Variants in KCNT2 observed in about 807,000 individuals in gnomAD.
The protein encoded by KCNT2 is potassium sodium-activated channel subfamily T member 2, also known as potassium channel subfamily T member 2.
In KCNT2, 67 loss-of-function variants were observed where a neutral mutation model predicts 153.8. The observed-to-expected ratio is 0.44, with a 90% confidence interval of 0.36 to 0.53. The LOEUF (loss-of-function observed/expected upper bound fraction) is 0.53, where lower values mean the gene tolerates loss of function less well. Ranked by LOEUF, KCNT2 falls within the 20% of genes least tolerant of loss-of-function variation. The pLI is 0.00. For synonymous variants in KCNT2, 500 were observed against 458.8 expected (o/e 1.09, Z -1.15); for missense variants, 975 against 1,354.8 (o/e 0.72, Z 4.40).
Position 196,281,001 on chromosome 1 carries a change from C to A in KCNT2, c.2782-13G>T, listed in dbSNP as rs781362088. The A allele has an allele frequency of 6.3e-7, 1 of 1,590,434 alleles. No individual in the cohort carries two copies. The highest frequency in any genetic ancestry group is 8.6e-7 in the Non-Finnish European group (1 of 1,161,874). On this transcript the variant is annotated splice_polypyrimidine_tract_variant and intron_variant, in intron 24 of 27. Coordinates refer to ENST00000294725, the MANE Select transcript of KCNT2 (RefSeq NM_198503.5). The stretch of plus-strand genomic sequence containing the variant: ...CAGTGATTTTCATCTATAACACACA[C>A]AAATTATTTACATATTAAATGTGTC...
At chr1:196,600,833 T>C (rs1201909408) in intron 1 of KCNT2, among the ~76,000 whole-genome samples, 1 of 152,188 alleles carries the variant, frequency 6.6e-6, no homozygotes, top group Non-Finnish European at 1.5e-5. Flanking sequence ...GCCTTGCTTA[T>C]CCATCTCTAC....
intron 13 of KCNT2, among the ~76,000 whole-genome samples, chr1:196,375,623 C>A (rs940895570): frequency 6.6e-5 from 10 of 151,232 alleles, no homozygotes; most frequent in Non-Finnish European, 1.3e-4. Flanking sequence ...ATTATTATTT[C>A]CATTTTTTCT....
At chr1:196,297,175 A>G (rs1339417410) in intron 22 of KCNT2, among the ~76,000 whole-genome samples, 1 of 151,702 alleles carries the variant, frequency 6.6e-6, no homozygotes, top group Admixed American at 6.6e-5. Flanking sequence ...TGAAAAGACA[A>G]TTGTTGGACT....
intron 14 of KCNT2, among the ~76,000 whole-genome samples, chr1:196,359,868 G>A (rs570430670): frequency 1.4e-4 from 22 of 151,984 alleles, no homozygotes; most frequent in African/African-American, 4.1e-4. Flanking sequence ...CTATATATAA[G>A]AGAATCAAGA....
At chr1:196,521,730 T>C (rs1653445303) in intron 1 of KCNT2, among the ~76,000 whole-genome samples, 1 of 151,856 alleles carries the variant, frequency 6.6e-6, no homozygotes, top group Non-Finnish European at 1.5e-5. Flanking sequence ...TTCTCACAAG[T>C]GGGAGCTAAA....
rs1352036316 is a variant in KCNT2, at chr1:196,398,644, C to A, written c.1213G>T (p.Ala405Ser). 2 of 1,604,282 alleles carry A rather than the reference C, an allele frequency of 1.2e-6. No individual in the cohort carries two copies. The change falls in exon 13 of 28, where the codon GCT becomes TCT. Residue 405 changes from alanine to serine, a missense_variant. Transcript: ENST00000294725. Reference sequence around the variant, plus strand: ...CAATTTGGAGCAAAATCTTTCACAGCCCATGCTCTCAAAATTGTTTGGTGA... The same window carrying A: ...CAATTTGGAGCAAAATCTTTCACAGACCATGCTCTCAAAATTGTTTGGTGA... ...SDHQTILRAW[A>S]VKDFAPNCPL...
intron 17 of KCNT2, among the ~76,000 whole-genome samples, chr1:196,333,009 CA>C (rs1664620245): frequency 6.6e-6 from 1 of 151,820 alleles, no homozygotes; most frequent in African/African-American, 2.4e-5. Flanking sequence ...AGGCTTGTCT[CA>C]AACTCCTGAC....
chr1:196,422,389 AAC>A (rs1673288826), intron 12 of KCNT2, among the ~76,000 whole-genome samples: 1 of 151,982 alleles, frequency 6.6e-6, no homozygotes, highest in African/African-American at 2.4e-5. Context: ...TTGGCTTAGA[AAC>A]ACAGGAGGTA....
chr1:196,592,069 C>T (rs925003976), intron 1 of KCNT2, among the ~76,000 whole-genome samples: 7 of 152,078 alleles, frequency 4.6e-5, no homozygotes, highest in Non-Finnish European at 7.4e-5. Flanking sequence ...ATCAAAAGTG[C>T]TCTTCACACC....
At chr1:196,254,676 C>T (rs1656304530) in intron 26 of KCNT2, among the ~76,000 whole-genome samples, 1 of 151,498 alleles carries the variant, frequency 6.6e-6, no homozygotes. Context: ...ACTACTATTA[C>T]TACTGCTGTT....
In KCNT2 at chr1:196,351,113, C is replaced by T. The variant is rs144679327; in HGVS notation, c.1404-8885G>A. 1.7e-3 allele frequency among the ~76,000 whole-genome samples: 255 copies of T among 152,074 alleles called. 6 individuals carry two copies. The East Asian group carries it at 0.042, about 25-fold the overall frequency. On this transcript the variant is annotated intron_variant, in intron 14 of 27. Coordinates refer to ENST00000294725, the MANE Select transcript of KCNT2 (RefSeq NM_198503.5). Reference sequence around the variant, plus strand: ...GCTGCTTTGGTTACTGTAGCCTTGTCGTATAGTTTGAAGTTAGGTAGCGTG... The same window carrying T: ...GCTGCTTTGGTTACTGTAGCCTTGTTGTATAGTTTGAAGTTAGGTAGCGTG...
intron 9 of KCNT2, 115 bp downstream of exon 9, chr1:196,429,462 T>C (rs921245531): frequency 1.5e-5 from 8 of 547,990 alleles, no homozygotes; most frequent in Non-Finnish European, 2.2e-5. Flanking sequence ...AATGATAGTA[T>C]GTGTTAGTAA....
intron 26 of KCNT2, among the ~76,000 whole-genome samples, chr1:196,238,200 A>G (rs986671980): frequency 6.6e-6 from 1 of 151,962 alleles, no homozygotes; most frequent in African/African-American, 2.4e-5. Context: ...TTAACAGGAT[A>G]TTATACTTCT....
intron 1 of KCNT2, among the ~76,000 whole-genome samples, chr1:196,581,664 C>A (rs1662065552): frequency 6.6e-6 from 1 of 151,966 alleles, no homozygotes; most frequent in African/African-American, 2.4e-5. Context: ...TTAGTAAGAA[C>A]ATATTTTCTT....
chr1:196,293,624 C>A (rs112036253), intron 22 of KCNT2, among the ~76,000 whole-genome samples: 2 of 140,670 alleles, frequency 1.4e-5, no homozygotes, highest in African/African-American at 5.5e-5. Flanking sequence ...GAAATTGGAC[C>A]TTATCTCATG....
chr1:196,358,066 T>C (rs1164200971), intron 14 of KCNT2, among the ~76,000 whole-genome samples: 1 of 151,716 alleles, frequency 6.6e-6, no homozygotes, highest in African/African-American at 2.4e-5. Flanking sequence ...TCTTCTCTTA[T>C]AATTTCTAAC....
Position 196,331,185 on chromosome 1 carries a change from C to A in KCNT2, c.2074G>T (p.Val692Leu). 6.2e-7 allele frequency: 1 copy of A among 1,607,840 alleles called. No homozygotes were observed. The highest frequency in any genetic ancestry group is 8.5e-7 in the Non-Finnish European group (1 of 1,174,778). Residue 692 changes from valine to leucine, a missense_variant, in exon 18 of 28, where the codon GTA becomes TTA. Around this residue, in one of 6 missense-constraint regions of KCNT2, gnomAD observed 325 missense variants for 388.1 expected, o/e 0.84. Coordinates refer to ENST00000294725, the MANE Select transcript of KCNT2 (RefSeq NM_198503.5). The stretch of plus-strand genomic sequence containing the variant: ...TCTAATCTTAAGCAGCAAAATGGTA[C>A]TTTTTCATGAAGGAGATGACAAAAA... The part of the protein sequence containing the change: ...PTFCHLLHEK[V>L]PFCCLRLDKS...
intron 25 of KCNT2, among the ~76,000 whole-genome samples, chr1:196,276,923 T>A (rs765350880): frequency 2.0e-5 from 3 of 152,074 alleles, no homozygotes; most frequent in Admixed American, 2.0e-4. Flanking sequence ...TCCTTCAGTG[T>A]TTTGAAAATT....
intron 25 of KCNT2, among the ~76,000 whole-genome samples, chr1:196,263,371 C>T (rs1394055009): frequency 6.6e-6 from 1 of 151,856 alleles, no homozygotes; most frequent in Non-Finnish European, 1.5e-5. Context: ...TCATTTTCAG[C>T]AAACTAACAT....
Sources: gnomAD v4.1 joint callset for allele counts (sites outside exome capture counted in the v4.1 genomes callset) on GRCh38, gnomAD v4.1.1 for gene constraint, gnomAD v4.1.1 regional missense constraint, MANE v1.5 for transcripts, NCBI Gene and HGNC (gene_info 2026-07-23, HGNC 2026-07-21) for gene names.